Variants in PPP2R3B observed in about 807,000 individuals in gnomAD.
PPP2R3B encodes serine/threonine-protein phosphatase 2A regulatory subunit B'' subunit beta.
PPP2R3B carries 68 observed loss-of-function variants against 72.9 expected under a neutral mutation model. The observed-to-expected ratio is 0.93, with a 90% CI of 0.77 to 1.14. The LOEUF (loss-of-function observed/expected upper bound fraction) is 1.14, where lower values mean the gene tolerates loss of function less well. Ranked by LOEUF, PPP2R3B falls within the 50% of genes most tolerant of loss-of-function variation. The pLI, the probability that PPP2R3B is intolerant of heterozygous loss-of-function variation, is 0.00. For synonymous variants in PPP2R3B, 466 were observed against 375.8 expected (o/e 1.24, Z -2.78); for missense variants, 1,018 against 842.0 (o/e 1.21, Z -2.59).
chrX:347,365 C>A (rs752136631), intron 3 of PPP2R3B, 29 bp from the exon 4 acceptor site: 2 of 1,605,208 alleles, frequency 1.2e-6, no homozygotes, highest in Non-Finnish European at 1.7e-6. Flanking sequence ...TGGGCACCAC[C>A]CTCACAGGGG....
intron 1 of PPP2R3B, among the ~76,000 whole-genome samples, chrX:367,166 T>C (rs149758442): frequency 0.011 from 1,637 of 151,922 alleles, 24 homozygotes; most frequent in African/African-American, 0.037. Flanking sequence ...AAAGGGAAGG[T>C]TGGAATTGAA....
At chrX:345,784 TG>T (rs975768499) in intron 6 of PPP2R3B, 112 bp from the exon 7 acceptor site, 18 of 125,716 alleles carry the variant, frequency 1.4e-4, no homozygotes, top group African/African-American at 2.6e-4. Context: ...GCTCCGTGGG[TG>T]GGGGGGACTG....
At chrX:380,468 G>A (rs2072098502) in intron 1 of PPP2R3B, among the ~76,000 whole-genome samples, 1 of 152,168 alleles carries the variant, frequency 6.6e-6, no homozygotes, top group African/African-American at 2.4e-5. Context: ...GGCGTCACCA[G>A]GCCGCAGGGA....
At chrX:380,642 G>A (rs1398379840) in intron 1 of PPP2R3B, among the ~76,000 whole-genome samples, 3 of 151,900 alleles carry the variant, frequency 2.0e-5, no homozygotes, top group African/African-American at 2.4e-5. Flanking sequence ...AAAACTAGCC[G>A]GGCGTGGTGG....
intron 1 of PPP2R3B, among the ~76,000 whole-genome samples, chrX:367,346 G>A (rs1333575138): frequency 1.3e-5 from 2 of 151,582 alleles, no homozygotes; most frequent in Non-Finnish European, 1.5e-5. Flanking sequence ...GTGACATGCT[G>A]ACTGGATGAG....
chrX:346,730 A>C lies in PPP2R3B; in HGVS notation c.763T>G (p.Ser255Ala), dbSNP rs2071223727. Reference protein sequence around the residue: ...HPGLSFLKEASEFHSRYITTV... With the variant: ...HPGLSFLKEAAEFHSRYITTV... ...GTGATGTAGCGCGAGTGGAACTCGG[A>C]CGCCTCCTTCAGGAACGACAGCCCC... The change falls in exon 5 of 13, where the codon TCC becomes GCC. Residue 255 changes from serine to alanine, a missense_variant. Physicochemically the swap from Ser to Ala is moderately conservative, Grantham distance 99. Coordinates refer to ENST00000390665, the MANE Select transcript of PPP2R3B (RefSeq NM_013239.5). 1.2e-6 allele frequency: 2 copies of C among 1,610,216 alleles called. No individual in the cohort carries two copies. Among genetic ancestry groups the C allele is most frequent in the African/African-American group, 2.7e-5 (2 of 74,856 alleles).
At chrX:371,607 G>A (rs899224644) in intron 1 of PPP2R3B, among the ~76,000 whole-genome samples, 4 of 152,132 alleles carry the variant, frequency 2.6e-5, no homozygotes, top group African/African-American at 7.2e-5. Flanking sequence ...GGCTGTGCCC[G>A]TCAGAGGACC....
chrX:364,654 G>C (rs1464381686), intron 1 of PPP2R3B, among the ~76,000 whole-genome samples: 2 of 135,292 alleles, frequency 1.5e-5, no homozygotes, highest in Non-Finnish European at 3.2e-5. Context: ...GGAGGCGGAG[G>C]TTGCAGTGAG....
chrX:369,743 C>T (rs897776108), intron 1 of PPP2R3B, among the ~76,000 whole-genome samples: 9 of 152,216 alleles, frequency 5.9e-5, no homozygotes, highest in Non-Finnish European at 8.8e-5. Context: ...GCAGCAGGAC[C>T]GGACACCACG....
At chrX:361,732 T>C in intron 1 of PPP2R3B, 142 bp from the exon 2 acceptor site, 2 of 898,596 alleles carry the variant, frequency 2.2e-6, no homozygotes, top group East Asian at 2.6e-5. Context: ...CTGCAATCCC[T>C]GCGGGGGACC....
intron 1 of PPP2R3B, among the ~76,000 whole-genome samples, chrX:379,055 TTG>T (rs891622632): frequency 4.9e-5 from 7 of 142,590 alleles, no homozygotes; most frequent in Non-Finnish European, 9.1e-5. Flanking sequence ...ACCTGTGTGT[TTG>T]TGTGTATGCA....
chrX:350,169 C>G (rs1462440766), intron 2 of PPP2R3B, among the ~76,000 whole-genome samples: 1 of 152,112 alleles, frequency 6.6e-6, no homozygotes, highest in Non-Finnish European at 1.5e-5. Flanking sequence ...CCTAAGAGAG[C>G]AAGGGAAGGA....
chrX:348,382 C>T (rs2071267137), intron 2 of PPP2R3B, among the ~76,000 whole-genome samples: 1 of 152,010 alleles, frequency 6.6e-6, no homozygotes, highest in Non-Finnish European at 1.5e-5. Context: ...TCGAGACCAG[C>T]CTGGCCAACA....
intron 1 of PPP2R3B, among the ~76,000 whole-genome samples, chrX:383,884 A>T (rs1275752709): frequency 1.3e-5 from 2 of 151,174 alleles, no homozygotes; most frequent in Non-Finnish European, 2.9e-5. Context: ...AAACAAAAAA[A>T]CAACTAAGTT....
intron 12 of PPP2R3B, chrX:334,932 C>G: frequency 5.7e-6 from 1 of 174,930 alleles, no homozygotes; most frequent in Non-Finnish European, 1.2e-5. Flanking sequence ...GAGGCTACCA[C>G]TTCCGTTCTG....
chrX:386,625 G>C lies in PPP2R3B; in HGVS notation c.67C>G (p.Leu23Val). 2 of 1,450,458 alleles carry C rather than the reference G, an allele frequency of 1.4e-6. No homozygotes were observed. The highest frequency in any genetic ancestry group is 1.8e-6 in the Non-Finnish European group (2 of 1,102,750). 89.8% of individuals were successfully genotyped at this position (1,450,458 alleles called of 1,614,324 possible). The change falls in exon 1 of 13, where the codon CTC (leucine) becomes GTC (valine). Residue 23 changes from leucine to valine, a missense_variant. Transcript: ENST00000390665. ...ATCCGCTGCGTGCTGGCCTCGCTGA[G>C]CCAGTACAGGAACAGCTCGTCCACC... Reference protein sequence around the residue: ...MKVDELFLYWLSEASTQRMLQ... With the variant: ...MKVDELFLYWVSEASTQRMLQ...
intron 6 of PPP2R3B, 140 bp downstream of exon 6, chrX:346,034 G>A (rs2071198322): frequency 7.8e-5 from 43 of 551,832 alleles, no homozygotes; most frequent in South Asian, 7.3e-4. Flanking sequence ...GGCTGGGAGC[G>A]CGGTGGAGGT....
chrX:350,400 G>A (rs1304270813), intron 2 of PPP2R3B, among the ~76,000 whole-genome samples: 1 of 152,216 alleles, frequency 6.6e-6, no homozygotes, highest in East Asian at 1.9e-4. Context: ...CCCCAGCGCA[G>A]GACTCAGGGT....
chrX:364,506 T>TAAAAAAAAAAAAAAAAAAAAAA (rs748519595), intron 1 of PPP2R3B, among the ~76,000 whole-genome samples: 1 of 44,514 alleles, frequency 2.2e-5, no homozygotes, highest in Non-Finnish European at 4.5e-5. Flanking sequence ...TCATCTCTAC[T>TAAAAAAAAAAAAAAAAAAAAAA]AAAAAAAAAA....
Sources: gnomAD v4.1 joint callset for allele counts (sites outside exome capture counted in the v4.1 genomes callset) on GRCh38, gnomAD v4.1.1 for gene constraint, MANE v1.5 for transcripts, NCBI Gene and HGNC (gene_info 2026-07-23, HGNC 2026-07-21) for gene names.